The following USH2A variants were observed in gnomAD, a reference collection of about 807,000 sequenced individuals.
USH2A encodes usherin, also known as Usher syndrome 2A (autosomal recessive, mild).
A neutral mutation model predicts 538.9 loss-of-function variants in USH2A; 443 were observed. The observed-to-expected ratio is 0.82, with a 90% CI of 0.76 to 0.89. The LOEUF (loss-of-function observed/expected upper bound fraction) is 0.89. USH2A is among the 40% of genes least tolerant of loss of function. USH2A has a pLI of 0.00. For missense variants in USH2A, 6,633 were observed against 6,324.8 expected (o/e 1.05, Z -1.65); for synonymous variants, 2,413 against 2,273.5 (o/e 1.06, Z -1.75).
chr1:216,019,262 G>A (rs963123421), intron 32 of USH2A, among the ~76,000 whole-genome samples: 1 of 152,160 alleles, frequency 6.6e-6, no homozygotes, highest in Non-Finnish European at 1.5e-5. Flanking sequence ...GCAAAATGCA[G>A]TACAAGCTTA....
intron 38 of USH2A, among the ~76,000 whole-genome samples, chr1:215,914,690 G>A (rs1665907887): frequency 6.6e-6 from 1 of 152,114 alleles, no homozygotes; most frequent in Admixed American, 6.6e-5. Flanking sequence ...AGAACATGCA[G>A]TAAGTGCAGT....
At chr1:215,808,386 C>T (rs1328459750) in intron 49 of USH2A, among the ~76,000 whole-genome samples, 4 of 152,012 alleles carry the variant, frequency 2.6e-5, no homozygotes, top group African/African-American at 9.7e-5. Context: ...GTGTCTTGGT[C>T]ATGTTTCTAT....
At chr1:216,421,623 T>G (rs2039677183) in intron 2 of USH2A, among the ~76,000 whole-genome samples, 1 of 152,216 alleles carries the variant, frequency 6.6e-6, no homozygotes. Context: ...AAATGATTCC[T>G]GCATAAACAC....
intron 32 of USH2A, among the ~76,000 whole-genome samples, chr1:216,045,445 A>C (rs2030469103): frequency 6.6e-6 from 1 of 152,148 alleles, no homozygotes; most frequent in South Asian, 2.1e-4. Context: ...AAGATCTAAA[A>C]TTCAAACCAC....
At chr1:216,277,698 T>C (rs984743256) in intron 11 of USH2A, among the ~76,000 whole-genome samples, 5 of 152,146 alleles carry the variant, frequency 3.3e-5, no homozygotes, top group Non-Finnish European at 7.3e-5. Context: ...AGAGACTACA[T>C]GTCTTCAGCC....
intron 37 of USH2A, among the ~76,000 whole-genome samples, chr1:215,939,927 A>C (rs1666595515): frequency 6.6e-6 from 1 of 152,150 alleles, no homozygotes; most frequent in Admixed American, 6.5e-5. Context: ...AGGTCAGCGT[A>C]GTCCTGTACA....
At chr1:216,290,379 A>G (rs1166218875) in intron 10 of USH2A, among the ~76,000 whole-genome samples, 1 of 152,160 alleles carries the variant, frequency 6.6e-6, no homozygotes. Context: ...TCCCAAATCC[A>G]TATCTCCAAT....
chr1:215,895,759 T>G (rs982157965), intron 40 of USH2A, among the ~76,000 whole-genome samples: 5 of 152,210 alleles, frequency 3.3e-5, no homozygotes, highest in Non-Finnish European at 7.3e-5. Context: ...TTGTGTCACC[T>G]AATGACAGGA....
At chr1:215,897,498 C>T (rs1260887906) in intron 40 of USH2A, among the ~76,000 whole-genome samples, 2 of 151,874 alleles carry the variant, frequency 1.3e-5, no homozygotes, top group African/African-American at 4.8e-5. Flanking sequence ...ACCAGCCTGG[C>T]CAACATGGTG....
intron 63 of USH2A, 101 bp downstream of exon 63, chr1:215,673,999 G>T (rs1021054017): frequency 1.2e-6 from 2 of 1,602,898 alleles, no homozygotes; most frequent in Non-Finnish European, 8.5e-7. Flanking sequence ...GGGACACCTT[G>T]CATCCCATTT....
At chr1:216,001,980 G>T (rs1292440149) in intron 32 of USH2A, among the ~76,000 whole-genome samples, 2 of 152,102 alleles carry the variant, frequency 1.3e-5, no homozygotes, top group Non-Finnish European at 2.9e-5. Context: ...AAGTTGAGAT[G>T]GGGCACTCCC....
intron 38 of USH2A, among the ~76,000 whole-genome samples, chr1:215,926,796 T>G (rs1266140958): frequency 6.6e-6 from 1 of 151,840 alleles, no homozygotes; most frequent in Non-Finnish European, 1.5e-5. Flanking sequence ...TTGGTAGCGA[T>G]GGGGTTTCTC....
chr1:216,241,215 T>C (rs2102536772), intron 13 of USH2A, among the ~76,000 whole-genome samples: 1 of 152,198 alleles, frequency 6.6e-6, no homozygotes, highest in South Asian at 2.1e-4. Flanking sequence ...ATAGATAATA[T>C]CTACATTTTA....
intron 32 of USH2A, among the ~76,000 whole-genome samples, chr1:216,012,266 T>A (rs1336040607): frequency 1.3e-5 from 2 of 152,052 alleles, no homozygotes; most frequent in Non-Finnish European, 2.9e-5. Context: ...TGGAAATCTA[T>A]CCTCAAGGAA....
At chr1:216,025,515 T>G (rs1241998810) in intron 32 of USH2A, among the ~76,000 whole-genome samples, 2 of 152,092 alleles carry the variant, frequency 1.3e-5, no homozygotes, top group Non-Finnish European at 2.9e-5. Context: ...CATATTTATT[T>G]ATGGTGATAG....
chr1:216,232,993 C>A (rs1018682505), intron 13 of USH2A, among the ~76,000 whole-genome samples: 2 of 152,172 alleles, frequency 1.3e-5, no homozygotes, highest in Non-Finnish European at 2.9e-5. Context: ...CCACCCAGTC[C>A]CGGAGGCCAT....
intron 4 of USH2A, among the ~76,000 whole-genome samples, chr1:216,355,754 A>T (rs2038382789): frequency 6.6e-6 from 1 of 152,134 alleles, no homozygotes; most frequent in Non-Finnish European, 1.5e-5. Context: ...AGAATTTTAA[A>T]ATATCTGCTA....
chr1:216,137,735 C>T (rs1479761461), intron 21 of USH2A, among the ~76,000 whole-genome samples: 1 of 152,132 alleles, frequency 6.6e-6, no homozygotes, highest in African/African-American at 2.4e-5. Flanking sequence ...GTCGGTCTGG[C>T]TTTCTCAGCC....
rs2039697424 is a variant in USH2A, at chr1:216,422,547, A to T, written c.-204-7T>A. ...CATGAGTAGCTGCTGGTATCTGGGA[A>T]TCAAAAACGTAGGGCGTCAAGGGAA... is the stretch of plus-strand genomic sequence containing the variant. On this transcript the variant is annotated splice_region_variant and splice_polypyrimidine_tract_variant and intron_variant, in intron 1 of 71. Transcript: ENST00000307340. The T allele has an allele frequency of 1.6e-6, 1 of 622,650 alleles. No homozygotes were observed. The highest frequency in any genetic ancestry group is 2.7e-6 in the Non-Finnish European group (1 of 372,662). The allele number at this position is 622,650 out of a possible 1,614,324, so 38.6% of individuals were successfully genotyped here.
Sources: gnomAD v4.1 joint callset for allele counts (sites outside exome capture counted in the v4.1 genomes callset) on GRCh38, gnomAD v4.1.1 for gene constraint, MANE v1.5 for transcripts, NCBI Gene and HGNC (gene_info 2026-07-23, HGNC 2026-07-21) for gene names.